The following ATP9B variants were observed in gnomAD, a reference collection of about 807,000 sequenced individuals.
ATP9B encodes the protein probable phospholipid-transporting ATPase IIB.
Under a neutral mutation model 146.1 loss-of-function variants are expected in ATP9B, and 110 were observed. The ratio of observed to expected loss-of-function variants is 0.75; its 90% CI spans 0.65 to 0.88. The LOEUF (loss-of-function observed/expected upper bound fraction) is 0.88, where lower values mean the gene tolerates loss of function less well. Among genes scored for constraint, ATP9B ranks in the 40% least tolerant of loss-of-function variants. The probability of loss-of-function intolerance (pLI) is 0.00; values close to 1 mark genes in which losing one functional copy is unlikely to be tolerated. For synonymous variants in ATP9B, 604 were observed against 569.7 expected, an observed-to-expected ratio of 1.06 and a Z score of -0.86; for missense variants, 1,499 against 1,496.4, an observed-to-expected ratio of 1.00 and a Z score of -0.03.
At chr18:79,299,178 G>A (rs903118912) in intron 13 of ATP9B, among the ~76,000 whole-genome samples, 1 of 149,920 alleles carries the variant, frequency 6.7e-6, no homozygotes, top group Non-Finnish European at 1.5e-5. Context: ...CTGTTACCTG[G>A]ACAGGGCCCA....
chr18:79,254,398 C>CA (rs2096059133), intron 12 of ATP9B: 1 of 152,246 alleles, frequency 6.6e-6, no homozygotes, highest in South Asian at 2.1e-4. Context: ...GGGATGTGTA[C>CA]ACACTGCACT....
At chr18:79,208,016 C>T (rs769384817) in intron 10 of ATP9B, among the ~76,000 whole-genome samples, 9 of 152,130 alleles carry the variant, frequency 5.9e-5, no homozygotes, top group East Asian at 1.9e-4. Flanking sequence ...GAGGCCGAGG[C>T]GGGCGGATCA....
At chr18:79,174,153 A>G (rs1381095578) in intron 7 of ATP9B, 1 of 418,624 alleles carries the variant, frequency 2.4e-6, no homozygotes, top group East Asian at 7.6e-5. Context: ...TCTTTCTGGA[A>G]GTAAACTTCC....
At position 79,374,106 on chromosome 18, in the gene ATP9B, G is replaced by C. The variant is rs775045961; in HGVS notation, c.3274+5G>C. 2.5e-6 allele frequency: 4 copies of C among 1,613,816 alleles called. No individual in the cohort carries two copies. The highest frequency in any genetic ancestry group is 3.4e-6 in the Non-Finnish European group (4 of 1,179,850). On this transcript the variant is annotated splice_donor_5th_base_variant and intron_variant, in intron 28 of 29. Transcript: ENST00000426216. ...CTTTTCTCAATGAATATTTTGGTAA[G>C]TTGCCTTGGAATTGTTTTTTGAATC...
intron 12 of ATP9B, among the ~76,000 whole-genome samples, chr18:79,261,245 C>T (rs180684552): frequency 2.0e-5 from 3 of 152,258 alleles, no homozygotes; most frequent in Admixed American, 1.3e-4. Context: ...GACTCCCATG[C>T]ATGCCGTGAT....
At chr18:79,139,259 G>T (rs545843378) in intron 5 of ATP9B, among the ~76,000 whole-genome samples, 5 of 152,254 alleles carry the variant, frequency 3.3e-5, no homozygotes, top group African/African-American at 7.2e-5. Flanking sequence ...TTTAAAATGG[G>T]TTAATTTTTT....
chr18:79,163,869 TAC>T (rs56408063), intron 7 of ATP9B, among the ~76,000 whole-genome samples: 8,322 of 142,600 alleles, frequency 0.058, 258 homozygotes, highest in Middle Eastern at 0.096. Context: ...TTTTATTTTA[TAC>T]ACACACACAC....
At chr18:79,282,581 TG>T (rs1235177269) in intron 13 of ATP9B, among the ~76,000 whole-genome samples, 6 of 152,234 alleles carry the variant, frequency 3.9e-5, no homozygotes, top group African/African-American at 1.4e-4. Flanking sequence ...GTAGGTATAT[TG>T]TTTTTTAGAC....
chr18:79,176,682 C>A, intron 7 of ATP9B, 131 bp from the exon 8 acceptor site: 1 of 684,940 alleles, frequency 1.5e-6, no homozygotes, highest in South Asian at 1.9e-5. Flanking sequence ...GAGTTTTGTT[C>A]CTGGGAATAT....
intron 15 of ATP9B, among the ~76,000 whole-genome samples, chr18:79,319,175 A>G (rs2096700268): frequency 6.6e-6 from 1 of 152,214 alleles, no homozygotes. Context: ...CTTTCAGGCA[A>G]GTTGGAGACC....
chr18:79,368,469 G>T (rs1056019275), intron 26 of ATP9B, among the ~76,000 whole-genome samples: 1 of 152,196 alleles, frequency 6.6e-6, no homozygotes, highest in Non-Finnish European at 1.5e-5. Flanking sequence ...CCATGTCTGC[G>T]CCTGGCCCTG....
chr18:79,119,096 T>C (rs1260919579), intron 4 of ATP9B, among the ~76,000 whole-genome samples: 1 of 147,128 alleles, frequency 6.8e-6, no homozygotes, highest in Non-Finnish European at 1.5e-5. Context: ...AAAATTGCCT[T>C]GTGGGTTAAA....
At chr18:79,342,232 T>C (rs553161947) in intron 19 of ATP9B, 36 bp from the exon 20 acceptor site, 2 of 1,503,554 alleles carry the variant, frequency 1.3e-6, no homozygotes, top group African/African-American at 1.4e-5. Flanking sequence ...CGTGTCCTTG[T>C]CTTGTTGAAA....
chr18:79,303,546 TGGGTGTTCCCGCA>T, intron 13 of ATP9B, 45 bp from the exon 14 acceptor site: 1 of 1,408,190 alleles, frequency 7.1e-7, no homozygotes, highest in Non-Finnish European at 1.0e-6. Context: ...GTAGGAAAGC[TGGGTGTTCCCGCA>T]GGCCTCCTGC....
In ATP9B at chr18:79,328,198, G is replaced by A. The variant is rs73973077; in HGVS notation, c.1774-943G>A. 4.8e-3 allele frequency among the ~76,000 whole-genome samples: 727 copies of A among 152,108 alleles called. 11 individuals carry two copies. Among genetic ancestry groups the A allele is most frequent in the African/African-American group, 0.016 (656 of 41,460 alleles). ...GCTCTCTGTGGTTAGTGTGTTCTCC[G>A]TGGTTAGCATGTTCCCCATGGTTAG... On this transcript the variant is annotated intron_variant, in intron 15 of 29. Transcript: ENST00000426216.
At chr18:79,352,480 AC>A (rs1426265143) in intron 25 of ATP9B, 3 of 152,224 alleles carry the variant, frequency 2.0e-5, no homozygotes, top group African/African-American at 7.2e-5. Flanking sequence ...ACAAGAAAAC[AC>A]GTGAAACAAA....
chr18:79,138,070 A>G (rs1336097786), intron 5 of ATP9B, among the ~76,000 whole-genome samples: 1 of 152,184 alleles, frequency 6.6e-6, no homozygotes, highest in Non-Finnish European at 1.5e-5. Context: ...GAATTCATCC[A>G]TTTGAATTCG....
chr18:79,114,459 C>G (rs1040201394), intron 4 of ATP9B, among the ~76,000 whole-genome samples: 1 of 152,164 alleles, frequency 6.6e-6, no homozygotes, highest in African/African-American at 2.4e-5. Context: ...GGCTCCGTCT[C>G]CCTAACCAGA....
chr18:79,171,885 TTTGTTTG>T (rs1254551325), intron 7 of ATP9B, among the ~76,000 whole-genome samples: 2 of 103,118 alleles, frequency 1.9e-5, no homozygotes, highest in Admixed American at 1.7e-4. Context: ...CTCGTTTTTT[TTTGTTTG>T]TTTGTTTGTT....
Sources: gnomAD v4.1 joint callset for allele counts (sites outside exome capture counted in the v4.1 genomes callset) on GRCh38, gnomAD v4.1.1 for gene constraint, MANE v1.5 for transcripts, NCBI Gene and HGNC (gene_info 2026-07-23, HGNC 2026-07-21) for gene names.